The following DLG2 variants were observed in gnomAD, a reference collection of about 807,000 sequenced individuals.
The protein encoded by DLG2 is discs large MAGUK scaffold protein 2.
A neutral mutation model predicts 132.5 loss-of-function variants in DLG2; 45 were observed. That is an observed-to-expected ratio of 0.34 (90% CI 0.27 to 0.44). The LOEUF (loss-of-function observed/expected upper bound fraction) is 0.44. Ranked by LOEUF, DLG2 falls within the 20% of genes least tolerant of loss-of-function variation. The pLI, the probability that DLG2 is intolerant of heterozygous loss-of-function variation, is 1.00. For missense variants in DLG2, 1,045 were observed against 1,196.9 expected (o/e 0.87, Z 1.87); for synonymous variants, 424 against 419.6 (o/e 1.01, Z -0.13).
At chr11:83,480,535 G>A in intron 22 of DLG2, 1 of 1,515,494 alleles carries the variant, frequency 6.6e-7, no homozygotes, top group African/African-American at 1.4e-5. Context: ...AAGCCGCAGA[G>A]GAGGCTGCAT....
At chr11:85,387,668 G>C (rs1360486043) in intron 3 of DLG2, among the ~76,000 whole-genome samples, 1 of 152,146 alleles carries the variant, frequency 6.6e-6, no homozygotes. Flanking sequence ...GCTAATTTCT[G>C]ACCACCATGT....
At chr11:84,035,848 C>T (rs1220006868) in intron 11 of DLG2, among the ~76,000 whole-genome samples, 1 of 152,078 alleles carries the variant, frequency 6.6e-6, no homozygotes, top group Non-Finnish European at 1.5e-5. Flanking sequence ...TGAGGATAGA[C>T]TAACAGGATT....
At chr11:85,398,311 A>G (rs1280792756) in intron 3 of DLG2, among the ~76,000 whole-genome samples, 7 of 152,128 alleles carry the variant, frequency 4.6e-5, no homozygotes, top group Non-Finnish European at 8.8e-5. Flanking sequence ...CACTAAATGC[A>G]CACAAGAGAA....
At chr11:85,472,592 C>T (rs995673337) in intron 3 of DLG2, among the ~76,000 whole-genome samples, 3 of 152,196 alleles carry the variant, frequency 2.0e-5, no homozygotes, top group Non-Finnish European at 4.4e-5. Context: ...GCCACCACAC[C>T]CAGCCGAGAG....
intron 7 of DLG2, among the ~76,000 whole-genome samples, chr11:84,303,122 TA>T (rs1176775806): frequency 2.0e-5 from 3 of 151,658 alleles, no homozygotes; most frequent in African/African-American, 7.3e-5. Flanking sequence ...AAAAATAAAA[TA>T]AAATAAAACA....
At chr11:84,811,977 CT>C (rs1165169081) in intron 6 of DLG2, among the ~76,000 whole-genome samples, 2 of 152,106 alleles carry the variant, frequency 1.3e-5, no homozygotes, top group Non-Finnish European at 2.9e-5. Flanking sequence ...TCGTGGAATG[CT>C]CCCAGAGAAC....
intron 7 of DLG2, among the ~76,000 whole-genome samples, chr11:84,361,541 A>G (rs148262721): frequency 2.6e-5 from 4 of 152,146 alleles, no homozygotes; most frequent in African/African-American, 9.6e-5. Flanking sequence ...GTACCACAAT[A>G]AAGGTCAAAG....
At chr11:84,523,998 C>A (rs2099312522) in intron 7 of DLG2, among the ~76,000 whole-genome samples, 1 of 152,058 alleles carries the variant, frequency 6.6e-6, no homozygotes, top group Non-Finnish European at 1.5e-5. Flanking sequence ...ATAGAGAGAA[C>A]CCCTTCCATG....
chr11:85,616,676 C>T (rs938608777), intron 2 of DLG2, among the ~76,000 whole-genome samples: 1 of 152,152 alleles, frequency 6.6e-6, no homozygotes, highest in African/African-American at 2.4e-5. Context: ...AGGGACTTCT[C>T]CTAGCCCCTT....
intron 7 of DLG2, among the ~76,000 whole-genome samples, chr11:84,513,842 G>T (rs1425524883): frequency 6.6e-6 from 1 of 151,544 alleles, no homozygotes; most frequent in East Asian, 1.9e-4. Context: ...ATGCACAAAT[G>T]GGAATCACAT....
chr11:84,482,624 T>C (rs1414173084), intron 7 of DLG2, among the ~76,000 whole-genome samples: 1 of 152,184 alleles, frequency 6.6e-6, no homozygotes, highest in Non-Finnish European at 1.5e-5. Context: ...AGAATAAATC[T>C]AATATAATGC....
At chr11:84,062,364 T>C (rs1321198444) in intron 10 of DLG2, among the ~76,000 whole-genome samples, 7 of 152,198 alleles carry the variant, frequency 4.6e-5, no homozygotes, top group Non-Finnish European at 7.3e-5. Context: ...GCAGTAACTG[T>C]ACTGTATAGT....
chr11:84,344,040 A>C (rs2098527876), intron 7 of DLG2, among the ~76,000 whole-genome samples: 1 of 152,188 alleles, frequency 6.6e-6, no homozygotes, highest in Non-Finnish European at 1.5e-5. Context: ...GAATTGAAAG[A>C]TCCCTACTTT....
At chr11:84,394,102 C>T (rs1241864865) in intron 7 of DLG2, among the ~76,000 whole-genome samples, 1 of 152,182 alleles carries the variant, frequency 6.6e-6, no homozygotes, top group Non-Finnish European at 1.5e-5. Context: ...GTCTCGAACT[C>T]CTGATCTCAA....
At chr11:85,250,835 G>T (rs993743021) in intron 4 of DLG2, among the ~76,000 whole-genome samples, 13 of 151,898 alleles carry the variant, frequency 8.6e-5, no homozygotes, top group Non-Finnish European at 1.0e-4. Context: ...TCTTCAAATG[G>T]TCATATTTTT....
rs188716074 is a variant in DLG2 at position 85,232,518 on chromosome 11, C to T, written c.186+52702G>A. On this transcript the variant is annotated intron_variant, in intron 4 of 27. Coordinates refer to ENST00000376104, the MANE Select transcript of DLG2 (RefSeq NM_001142699.3). Reference sequence around the variant, plus strand: ...TACCTTTCCACAAAAACAATGTTACCTCTTCGAAGCAAATGATAGATAGAT... The same window carrying T: ...TACCTTTCCACAAAAACAATGTTACTTCTTCGAAGCAAATGATAGATAGAT... 4.4e-3 allele frequency among the ~76,000 whole-genome samples: 663 copies of T among 151,860 alleles called. 3 individuals are homozygous for T. The highest frequency in any genetic ancestry group is 0.015 in the African/African-American group (631 of 41,472).
chr11:83,801,667 A>G (rs147090098), intron 17 of DLG2, among the ~76,000 whole-genome samples: 3 of 152,142 alleles, frequency 2.0e-5, no homozygotes, highest in South Asian at 2.1e-4. Context: ...TTTGCTGACA[A>G]TCACATTGAA....
chr11:84,616,910 A>T (rs2154539915), intron 6 of DLG2, among the ~76,000 whole-genome samples: 1 of 151,896 alleles, frequency 6.6e-6, no homozygotes, highest in Non-Finnish European at 1.5e-5. Flanking sequence ...AAGGTAAATA[A>T]TTTTTGCAAA....
intron 14 of DLG2, among the ~76,000 whole-genome samples, chr11:83,934,612 C>A (rs1472622463): frequency 6.6e-6 from 1 of 152,130 alleles, no homozygotes; most frequent in Non-Finnish European, 1.5e-5. Context: ...ATATGACTCT[C>A]TTCTCTCAGA....
Sources: allele counts gnomAD v4.1 joint callset (sites outside exome capture counted in the v4.1 genomes callset), GRCh38; gene constraint gnomAD v4.1.1; transcripts MANE v1.5; gene names NCBI Gene and HGNC (gene_info 2026-07-23, HGNC 2026-07-21).